The following FOCAD variants were observed in gnomAD, a reference collection of about 807,000 sequenced individuals.
FOCAD encodes the protein focadhesin, also known as KIAA1797.
FOCAD carries 198 observed loss-of-function variants against 225.6 expected under a neutral mutation model. The ratio of observed to expected loss-of-function variants is 0.88; its 90% confidence interval spans 0.78 to 0.99. The LOEUF (loss-of-function observed/expected upper bound fraction) is 0.99. Among genes scored for constraint, FOCAD ranks in the 50% least tolerant of loss-of-function variants. The probability of loss-of-function intolerance (pLI) is 0.00; values close to 1 mark genes in which losing one functional copy is unlikely to be tolerated. For synonymous variants in FOCAD, 897 were observed against 755.0 expected, an observed-to-expected ratio of 1.19 and a Z score of -3.08; for missense variants, 2,713 against 2,123.6, an observed-to-expected ratio of 1.28 and a Z score of -5.46.
At chr9:20,716,333 G>GA (rs771981062) in intron 2 of FOCAD, 2 of 183,072 alleles carry the variant, frequency 1.1e-5, no homozygotes, top group African/African-American at 4.7e-5. Flanking sequence ...TAAATTAGGT[G>GA]AAAAAAATAT....
intron 35 of FOCAD, among the ~76,000 whole-genome samples, chr9:20,972,330 G>T (rs758957302): frequency 2.6e-5 from 4 of 151,972 alleles, no homozygotes; most frequent in Non-Finnish European, 4.4e-5. Flanking sequence ...CAACAAATAG[G>T]TTCTAATAGG....
intron 40 of FOCAD, among the ~76,000 whole-genome samples, chr9:20,987,847 A>G (rs1014899825): frequency 6.6e-6 from 1 of 152,224 alleles, no homozygotes; most frequent in Admixed American, 6.5e-5. Flanking sequence ...TAAAAGGGAA[A>G]AAAGTCAATA....
chr9:20,926,253 T>C, intron 25 of FOCAD, 48 bp from the exon 26 acceptor site: 1 of 1,105,706 alleles, frequency 9.0e-7, no homozygotes, highest in African/African-American at 1.5e-5. Context: ...GAAATATCTT[T>C]AGATTTGTTT....
At chr9:20,929,312 T>C (rs1414784063) in intron 26 of FOCAD, 46 bp from the exon 27 acceptor site, 1 of 1,500,000 alleles carries the variant, frequency 6.7e-7, no homozygotes, top group African/African-American at 1.4e-5. Context: ...GTATGCTTCC[T>C]TCATGTTTAA....
rs768371812 is a variant in FOCAD at position 20,912,291 on chromosome 9, G to C, written c.2719-575G>C. ...AGATAATACATATTTAAAGGCCTTGGACTTAAAGGAACAATGTTAGCAATA... is the reference window on the plus strand; with the variant it reads ...AGATAATACATATTTAAAGGCCTTGCACTTAAAGGAACAATGTTAGCAATA... On this transcript the variant is annotated intron_variant, in intron 22 of 43. Transcript: ENST00000338382. 2.8e-4 allele frequency among the ~76,000 whole-genome samples: 42 copies of C among 152,016 alleles called. 1 individual carries two copies. Among genetic ancestry groups the C allele is most frequent in the South Asian group, 6.2e-4 (3 of 4,824 alleles).
At chr9:20,840,571 G>C (rs1329856041) in intron 15 of FOCAD, among the ~76,000 whole-genome samples, 6 of 146,936 alleles carry the variant, frequency 4.1e-5, no homozygotes, top group African/African-American at 1.5e-4. Context: ...CTGTTTGCCT[G>C]TAGAAATGCC....
At chr9:20,787,102 A>G (rs557344604) in intron 10 of FOCAD, 2 of 258,910 alleles carry the variant, frequency 7.7e-6, no homozygotes, top group Non-Finnish European at 1.6e-5. Context: ...AAACAAATAA[A>G]CAAACAAACT....
At chr9:20,893,042 C>T (rs1366527948) in intron 21 of FOCAD, among the ~76,000 whole-genome samples, 1 of 151,932 alleles carries the variant, frequency 6.6e-6, no homozygotes, top group Non-Finnish European at 1.5e-5. Context: ...AGTGATAGGA[C>T]CTCACTATGT....
intron 15 of FOCAD, among the ~76,000 whole-genome samples, chr9:20,830,933 C>A (rs528981588): frequency 6.6e-6 from 1 of 152,190 alleles, no homozygotes; most frequent in African/African-American, 2.4e-5. Context: ...TCACCTTGGC[C>A]TCCCAAAGTA....
intron 43 of FOCAD, 126 bp from the exon 44 acceptor site, chr9:20,995,430 A>G (rs959441133): frequency 1.8e-6 from 1 of 545,836 alleles, no homozygotes; most frequent in East Asian, 3.2e-5. Context: ...AATCCTGCCA[A>G]AATATCGATG....
intron 2 of FOCAD, among the ~76,000 whole-genome samples, chr9:20,717,240 T>C (rs1001383157): frequency 2.6e-5 from 4 of 152,168 alleles, no homozygotes; most frequent in Non-Finnish European, 5.9e-5. Context: ...TCTGGAGACT[T>C]TGCAGGACTG....
intron 28 of FOCAD, among the ~76,000 whole-genome samples, chr9:20,942,460 C>A (rs1382383313): frequency 6.6e-6 from 1 of 152,164 alleles, no homozygotes; most frequent in Non-Finnish European, 1.5e-5. Context: ...CCCAATATTC[C>A]TCTTTCTGAA....
rs545328289 is a variant in FOCAD at position 20,771,762 on chromosome 9, A to G, written c.906+1524A>G. On this transcript the variant is annotated intron_variant, in intron 8 of 43. Coordinates refer to ENST00000338382, the MANE Select transcript of FOCAD (RefSeq NM_001375567.1). ...ACAGCAGGACTTTGTCTCAAAATACATAAATAAACAAATAAAATTATTTCT... is the reference window on the plus strand; with the variant it reads ...ACAGCAGGACTTTGTCTCAAAATACGTAAATAAACAAATAAAATTATTTCT... Among the ~76,000 whole-genome samples, 33 of 152,358 alleles carry G rather than the reference A, an allele frequency of 2.2e-4. 1 individual carries two copies. In the South Asian group the frequency reaches 2.9e-3, roughly 13 times the overall value.
At position 20,785,994 on chromosome 9, in the gene FOCAD, C is replaced by G. The variant is rs552649472; in HGVS notation, c.1198-3357C>G. ...TTCATTGTGGTTTTGTTTTGCATTT[C>G]CCTGATGGTATTCTTAAAATACTTA... On this transcript the variant is annotated intron_variant, in intron 10 of 43. Coordinates refer to ENST00000338382, the MANE Select transcript of FOCAD (RefSeq NM_001375567.1). Among the ~76,000 whole-genome samples the G allele has an allele frequency of 3.3e-5, 5 of 152,188 alleles. No homozygotes were observed. In the South Asian group the frequency reaches 6.2e-4, roughly 19 times the overall value.
At chr9:20,853,691 A>G (rs550442442) in intron 15 of FOCAD, among the ~76,000 whole-genome samples, 9 of 151,762 alleles carry the variant, frequency 5.9e-5, no homozygotes, top group Non-Finnish European at 1.3e-4. Context: ...CATTTAGATT[A>G]TAAGTGAGTT....
chr9:20,966,495 T>G (rs1839267389), intron 35 of FOCAD, among the ~76,000 whole-genome samples: 2 of 152,164 alleles, frequency 1.3e-5, no homozygotes, highest in Admixed American at 1.3e-4. Flanking sequence ...GATAATACCC[T>G]TTAATGAACA....
intron 18 of FOCAD, among the ~76,000 whole-genome samples, chr9:20,869,540 G>C (rs948516067): frequency 5.9e-5 from 9 of 152,110 alleles, no homozygotes; most frequent in Admixed American, 2.6e-4. Context: ...GCAGATATCA[G>C]AACAAAGATT....
chr9:20,788,398 C>T (rs1205987230), intron 10 of FOCAD, among the ~76,000 whole-genome samples: 9 of 152,068 alleles, frequency 5.9e-5, no homozygotes, highest in Admixed American at 5.9e-4. Flanking sequence ...TTGCACAGCT[C>T]TAGGAATGAA....
chr9:20,799,747 A>G (rs1289533452), intron 11 of FOCAD, among the ~76,000 whole-genome samples: 1 of 152,182 alleles, frequency 6.6e-6, no homozygotes, highest in Middle Eastern at 3.4e-3. Flanking sequence ...TTGTCTGTGC[A>G]TGTGAGATGG....
Sources: allele counts gnomAD v4.1 joint callset (sites outside exome capture counted in the v4.1 genomes callset), GRCh38; gene constraint gnomAD v4.1.1; transcripts MANE v1.5; gene names NCBI Gene and HGNC (gene_info 2026-07-23, HGNC 2026-07-21).